Variants in DOCK1 observed in about 807,000 individuals in gnomAD.
The protein encoded by DOCK1 is dedicator of cytokinesis protein 1.
Under a neutral mutation model 262.7 loss-of-function variants are expected in DOCK1, and 138 were observed. That is an observed-to-expected ratio of 0.53 (90% CI 0.46 to 0.61). The LOEUF (loss-of-function observed/expected upper bound fraction) is 0.61. Ranked by LOEUF, DOCK1 falls within the 20% of genes least tolerant of loss-of-function variation. The pLI is 0.00. For missense variants in DOCK1, 1,908 were observed against 2,370.7 expected, an observed-to-expected ratio of 0.80 and a Z score of 4.05; for synonymous variants, 866 against 867.4, an observed-to-expected ratio of 1.00 and a Z score of 0.03.
chr10:127,062,131 G>T (rs1281511066), intron 23 of DOCK1, among the ~76,000 whole-genome samples: 4 of 151,704 alleles, frequency 2.6e-5, no homozygotes, highest in Non-Finnish European at 5.9e-5. Flanking sequence ...TAGAGATGGG[G>T]TTTCACCATA....
intron 1 of DOCK1, among the ~76,000 whole-genome samples, chr10:126,949,167 C>G (rs907683222): frequency 1.3e-5 from 2 of 152,064 alleles, no homozygotes; most frequent in South Asian, 2.1e-4. Flanking sequence ...GCTGATCCAT[C>G]TCCATTGATT....
Position 126,905,526 on chromosome 10 carries a change from C to A in DOCK1, c.9C>A (p.Arg3=). The change falls in exon 1 of 52, where the codon CGC becomes CGA. Residue 3 remains arginine (R), a synonymous_variant. Coordinates refer to ENST00000623213, the MANE Select transcript of DOCK1 (RefSeq NM_001290223.2). The stretch of plus-strand genomic sequence containing the variant: ...GCGGCTCCGGCGGCGCCATGACGCG[C>A]TGGGTGCCCACCAAGCGCGAGGAGA... MT[R]WVPTKREEKY... 1 of 525,080 alleles carries A rather than the reference C, an allele frequency of 1.9e-6. No homozygotes were observed. Among genetic ancestry groups the A allele is most frequent in the Non-Finnish European group, 3.5e-6 (1 of 287,860 alleles). The allele number at this position is 525,080 out of a possible 1,614,324, so 32.5% of individuals were successfully genotyped here.
intron 23 of DOCK1, among the ~76,000 whole-genome samples, chr10:127,070,086 A>G (rs1031687053): frequency 2.7e-5 from 4 of 150,710 alleles, no homozygotes; most frequent in Non-Finnish European, 5.9e-5. Context: ...TTCACGCAGC[A>G]CTCTCCCTGT....
intron 27 of DOCK1, among the ~76,000 whole-genome samples, chr10:127,236,574 C>T (rs1432306039): frequency 9.9e-6 from 1 of 100,892 alleles, no homozygotes. Context: ...ATTTGTCTGT[C>T]TGTCCTTTCC....
chr10:127,339,005 G>T lies in DOCK1; in HGVS notation c.3045-1G>T, dbSNP rs868754047. 6.3e-7 allele frequency: 1 copy of T among 1,575,438 alleles called. No individual in the cohort carries two copies. The highest frequency in any genetic ancestry group is 2.3e-5 in the East Asian group (1 of 43,220). ...TATGTAATTTTCTCTTGATCTTTCAGAGTCTTCCTGCGAGCAATTAATCAG... is the reference window on the plus strand; with the variant it reads ...TATGTAATTTTCTCTTGATCTTTCATAGTCTTCCTGCGAGCAATTAATCAG... On this transcript the variant is annotated splice_acceptor_variant, in intron 29 of 51. Transcript: ENST00000623213. LOFTEE classifies it high-confidence loss of function.
At chr10:127,161,792 C>T (rs1042766646) in intron 27 of DOCK1, among the ~76,000 whole-genome samples, 5 of 152,046 alleles carry the variant, frequency 3.3e-5, no homozygotes, top group African/African-American at 7.2e-5. Flanking sequence ...TTTCTTTGTT[C>T]GCCAGTCACA....
chr10:126,996,641 G>A (rs2040217829), intron 6 of DOCK1, 107 bp from the exon 7 acceptor site: 1 of 1,185,542 alleles, frequency 8.4e-7, no homozygotes, highest in Non-Finnish European at 1.1e-6. Context: ...GCAAGCCCGA[G>A]TTTCTAGGTT....
chr10:127,204,594 T>A lies in DOCK1; in HGVS notation c.2848-43414T>A, dbSNP rs549677095. 3.4e-4 allele frequency among the ~76,000 whole-genome samples: 51 copies of A among 151,514 alleles called. 1 individual carries two copies. Among genetic ancestry groups the A allele is most frequent in the South Asian group, 8.4e-4 (4 of 4,788 alleles). ...GAGCCACCGTGCCTGACCGTTTTTT[T>A]AAAAAAAAATAGAGATGGGCGTTTG... On this transcript the variant is annotated intron_variant, in intron 27 of 51. Coordinates refer to ENST00000623213, the MANE Select transcript of DOCK1 (RefSeq NM_001290223.2).
chr10:127,233,856 A>AAATGT (rs1377459841), intron 27 of DOCK1, among the ~76,000 whole-genome samples: 2 of 152,198 alleles, frequency 1.3e-5, no homozygotes, highest in African/African-American at 4.8e-5. Context: ...TTCTTAGTAA[A>AAATGT]AATGTAACAG....
intron 4 of DOCK1, among the ~76,000 whole-genome samples, chr10:126,985,534 C>T (rs1208411695): frequency 1.3e-5 from 2 of 152,156 alleles, no homozygotes; most frequent in African/African-American, 4.8e-5. Flanking sequence ...ATGGTGCATG[C>T]ACTGAGGCCC....
At chr10:127,149,211 C>T (rs1407669524) in intron 27 of DOCK1, among the ~76,000 whole-genome samples, 1 of 152,136 alleles carries the variant, frequency 6.6e-6, no homozygotes, top group Non-Finnish European at 1.5e-5. Context: ...CCTTGATGAT[C>T]CCTTAGTGCA....
At position 127,175,756 on chromosome 10, in the gene DOCK1, G is replaced by A. The variant is rs773370941; in HGVS notation, c.2847+47992G>A. On this transcript the variant is annotated intron_variant, in intron 27 of 51. Coordinates refer to ENST00000623213, the MANE Select transcript of DOCK1 (RefSeq NM_001290223.2). This position sits in a 1 kb window ranked among gnomAD's most constrained non-coding sequence, Gnocchi z 6.3. ...TAATCGGGCTCTTCGGATGGAGGCC[G>A]AGTGGAGTTTTGGAGCGCAGCTTCT... is the stretch of plus-strand genomic sequence containing the variant. 2.9e-5 allele frequency: 46 copies of A among 1,613,982 alleles called. No individual in the cohort carries two copies. The highest frequency in any genetic ancestry group is 1.8e-4 in the Admixed American group (11 of 60,008).
At chr10:127,369,097 C>A (rs1565032993) in intron 33 of DOCK1, among the ~76,000 whole-genome samples, 1 of 152,162 alleles carries the variant, frequency 6.6e-6, no homozygotes, top group Non-Finnish European at 1.5e-5. Context: ...TGCCGAGCTC[C>A]TGTTTGAATA....
At chr10:126,949,336 G>T (rs999614738) in intron 1 of DOCK1, among the ~76,000 whole-genome samples, 1 of 152,098 alleles carries the variant, frequency 6.6e-6, no homozygotes, top group South Asian at 2.1e-4. Flanking sequence ...GGCACTTCTT[G>T]GTTGGACATG....
chr10:127,044,091 A>G (rs2044186394), intron 21 of DOCK1, among the ~76,000 whole-genome samples: 1 of 152,120 alleles, frequency 6.6e-6, no homozygotes, highest in Non-Finnish European at 1.5e-5. Context: ...GATTTACATA[A>G]TTTCTTTAAG....
intron 27 of DOCK1, among the ~76,000 whole-genome samples, chr10:127,205,798 T>TA (rs945248950): frequency 6.6e-6 from 1 of 152,232 alleles, no homozygotes; most frequent in Non-Finnish European, 1.5e-5. Context: ...GAAATGTCTA[T>TA]ATACCATGTA....
At chr10:126,968,716 T>G (rs1339403436) in intron 1 of DOCK1, among the ~76,000 whole-genome samples, 1 of 152,180 alleles carries the variant, frequency 6.6e-6, no homozygotes, top group Non-Finnish European at 1.5e-5. Context: ...TTAGGAACTG[T>G]GATAGATGTA....
chr10:127,077,070 C>A (rs1273515909), intron 23 of DOCK1, among the ~76,000 whole-genome samples: 1 of 152,056 alleles, frequency 6.6e-6, no homozygotes, highest in African/African-American at 2.4e-5. Flanking sequence ...TTAAATTTCT[C>A]TGAGGTCAGC....
chr10:127,151,597 C>G (rs1162672278), intron 27 of DOCK1, among the ~76,000 whole-genome samples: 1 of 152,184 alleles, frequency 6.6e-6, no homozygotes, highest in Non-Finnish European at 1.5e-5. Flanking sequence ...AGGGCCACAT[C>G]TCTATTCAGT....
Sources: gnomAD v4.1 joint callset for allele counts (sites outside exome capture counted in the v4.1 genomes callset) on GRCh38, gnomAD v4.1.1 for gene constraint, Gnocchi (gnomAD v3.1) non-coding constraint, MANE v1.5 for transcripts, NCBI Gene and HGNC (gene_info 2026-07-23, HGNC 2026-07-21) for gene names.